Variants in PARD3B observed in about 807,000 individuals in gnomAD.
PARD3B encodes the protein partitioning defective 3 homolog B.
Under a neutral mutation model 130.2 loss-of-function variants are expected in PARD3B, and 103 were observed. The ratio of observed to expected loss-of-function variants is 0.79; its 90% confidence interval spans 0.67 to 0.93. The LOEUF is 0.93. Among genes scored for constraint, PARD3B ranks in the 40% least tolerant of loss-of-function variants. PARD3B has a pLI of 0.00. For missense variants in PARD3B, 1,609 were observed against 1,499.2 expected, an observed-to-expected ratio of 1.07 and a Z score of -1.21; for synonymous variants, 583 against 553.2, an observed-to-expected ratio of 1.05 and a Z score of -0.76.
intron 15 of PARD3B, among the ~76,000 whole-genome samples, chr2:205,208,899 C>A (rs2037468978): frequency 7.2e-6 from 1 of 138,306 alleles, no homozygotes; most frequent in Non-Finnish European, 1.5e-5. Context: ...CAAAAAAGAG[C>A]CTGCATCGCC....
At chr2:205,202,644 G>A (rs2037056902) in intron 15 of PARD3B, among the ~76,000 whole-genome samples, 1 of 152,144 alleles carries the variant, frequency 6.6e-6, no homozygotes, top group South Asian at 2.1e-4. Flanking sequence ...GTGAATAAGA[G>A]GTACAACTTT....
At chr2:204,893,977 G>C (rs1274987504) in intron 2 of PARD3B, among the ~76,000 whole-genome samples, 1 of 151,706 alleles carries the variant, frequency 6.6e-6, no homozygotes, top group Non-Finnish European at 1.5e-5. Flanking sequence ...GATTACATAA[G>C]TAAATCTATT....
intron 21 of PARD3B, among the ~76,000 whole-genome samples, chr2:205,503,057 C>T (rs1395374836): frequency 6.7e-6 from 1 of 149,774 alleles, no homozygotes; most frequent in Admixed American, 6.7e-5. Context: ...CTTCCCTCTT[C>T]CCCTCTCCCC....
chr2:204,925,509 A>C (rs998744847), intron 2 of PARD3B, among the ~76,000 whole-genome samples: 2 of 152,114 alleles, frequency 1.3e-5, no homozygotes, highest in Non-Finnish European at 2.9e-5. Flanking sequence ...TTGGAAAAAA[A>C]CAAGGGCTTA....
At chr2:205,606,728 C>T (rs936921755) in intron 22 of PARD3B, among the ~76,000 whole-genome samples, 2 of 152,186 alleles carry the variant, frequency 1.3e-5, no homozygotes, top group East Asian at 3.8e-4. Context: ...GAACACTTTC[C>T]AAGGCTGTTA....
intron 2 of PARD3B, among the ~76,000 whole-genome samples, chr2:204,932,648 C>T (rs1464001258): frequency 2.6e-5 from 4 of 152,000 alleles, no homozygotes; most frequent in Non-Finnish European, 4.4e-5. Flanking sequence ...TTTTGATTAA[C>T]GTAATAAACA....
At chr2:204,809,487 T>C (rs1303255241) in intron 2 of PARD3B, among the ~76,000 whole-genome samples, 1 of 152,182 alleles carries the variant, frequency 6.6e-6, no homozygotes, top group African/African-American at 2.4e-5. Flanking sequence ...TTGAATCTTC[T>C]GCATAGAGTT....
intron 2 of PARD3B, among the ~76,000 whole-genome samples, chr2:204,947,340 G>A (rs1689407020): frequency 6.6e-6 from 1 of 152,118 alleles, no homozygotes; most frequent in Non-Finnish European, 1.5e-5. Context: ...TTTTATTCAT[G>A]GAGTAAGTGT....
chr2:205,125,862 C>T lies in PARD3B; in HGVS notation c.1434+125C>T. ...CATTCATAACCAAAATTGAATCACA[C>T]TCAGGGTATTTTACCCCATTTGGGG... On this transcript the variant is annotated intron_variant, in intron 10 of 22. Coordinates refer to ENST00000406610, the MANE Select transcript of PARD3B (RefSeq NM_001302769.2). This position sits in a 1 kb window ranked among gnomAD's most constrained non-coding sequence, Gnocchi z 4.0. 7.5e-7 allele frequency: 1 copy of T among 1,329,550 alleles called. No individual in the cohort carries two copies. The highest frequency in any genetic ancestry group is 1.0e-6 in the Non-Finnish European group (1 of 969,868). The allele number at this position is 1,329,550 out of a possible 1,614,324, so 82.4% of individuals were successfully genotyped here.
intron 20 of PARD3B, among the ~76,000 whole-genome samples, chr2:205,472,453 A>G (rs1483165331): frequency 6.6e-6 from 1 of 152,176 alleles, no homozygotes; most frequent in Non-Finnish European, 1.5e-5. Flanking sequence ...AGGGGCCATC[A>G]TACTGAGTTT....
Position 205,436,884 on chromosome 2 carries a change from C to T in PARD3B, c.2742-3486C>T, listed in dbSNP as rs145455307. ...CAAAGCAGGTTCATACTTCTCTTTT[C>T]TCACTACTTCACCTCCATGAAGTTT... is the stretch of plus-strand genomic sequence containing the variant. On this transcript the variant is annotated intron_variant, in intron 19 of 22. Transcript: ENST00000406610. Among the ~76,000 whole-genome samples the T allele has an allele frequency of 2.8e-4, 43 of 152,124 alleles. 1 individual carries two copies. In the East Asian group the frequency reaches 8.1e-3, roughly 29 times the overall value.
intron 21 of PARD3B, among the ~76,000 whole-genome samples, chr2:205,508,410 A>G (rs1047322898): frequency 2.0e-5 from 3 of 152,124 alleles, no homozygotes; most frequent in African/African-American, 7.2e-5. Flanking sequence ...TTTCTCTATG[A>G]AAAATACCAA....
chr2:205,521,235 A>ATTTCTTAATTACAACT (rs2051037083), intron 21 of PARD3B, among the ~76,000 whole-genome samples: 1 of 151,864 alleles, frequency 6.6e-6, no homozygotes, highest in Non-Finnish European at 1.5e-5. Flanking sequence ...TGTTGTTTTC[A>ATTTCTTAATTACAACT]TTTCTTAATT....
chr2:205,218,144 G>A (rs2038051007), intron 15 of PARD3B, among the ~76,000 whole-genome samples: 2 of 151,776 alleles, frequency 1.3e-5, no homozygotes, highest in South Asian at 4.2e-4. Flanking sequence ...ACCCACCTTG[G>A]CTTCTCAAAG....
intron 18 of PARD3B, among the ~76,000 whole-genome samples, chr2:205,355,810 GGCAA>G (rs1045508888): frequency 6.6e-6 from 1 of 152,142 alleles, no homozygotes; most frequent in African/African-American, 2.4e-5. Context: ...GAAAGCGAAG[GGCAA>G]GCAAGGCATC....
intron 2 of PARD3B, among the ~76,000 whole-genome samples, chr2:204,964,690 G>T (rs534091178): frequency 6.6e-6 from 1 of 152,304 alleles, no homozygotes; most frequent in South Asian, 2.1e-4. Flanking sequence ...TACAGGGACA[G>T]ATACAATTAG....
intron 1 of PARD3B, among the ~76,000 whole-genome samples, chr2:204,562,753 T>C (rs1434801717): frequency 6.6e-6 from 1 of 152,172 alleles, no homozygotes. Flanking sequence ...GCTTGAGTTT[T>C]GACAGCAGTG....
Position 204,822,310 on chromosome 2 carries a change from A to G in PARD3B, c.222+136028A>G, listed in dbSNP as rs375635456. On this transcript the variant is annotated intron_variant, in intron 2 of 22. Transcript: ENST00000406610. ...ATTGCTGCAATCTTATGATGAAACT[A>G]TAGTGGATGAGGAATTGCTTCTTCT... is the stretch of plus-strand genomic sequence containing the variant. Among the ~76,000 whole-genome samples, 8 of 152,350 alleles carry G rather than the reference A, an allele frequency of 5.3e-5. No individual in the cohort carries two copies. The South Asian group carries it at 1.4e-3, about 28-fold the overall frequency.
At chr2:205,096,955 C>A (rs1488626943) in intron 4 of PARD3B, among the ~76,000 whole-genome samples, 1 of 152,110 alleles carries the variant, frequency 6.6e-6, no homozygotes, top group Non-Finnish European at 1.5e-5. Context: ...CTGAAATCAA[C>A]AACCAAGAGA....
Sources: gnomAD v4.1 joint callset for allele counts (sites outside exome capture counted in the v4.1 genomes callset) on GRCh38, gnomAD v4.1.1 for gene constraint, Gnocchi (gnomAD v3.1) non-coding constraint, MANE v1.5 for transcripts, NCBI Gene and HGNC (gene_info 2026-07-23, HGNC 2026-07-21) for gene names.